Variants in TDRD3 observed in about 807,000 individuals in gnomAD.
TDRD3 encodes the protein tudor domain-containing protein 3.
In TDRD3, 45 loss-of-function variants were observed where a neutral mutation model predicts 86.7. The ratio of observed to expected loss-of-function variants is 0.52; its 90% confidence interval spans 0.41 to 0.67. The LOEUF is 0.67. Among genes scored for constraint, TDRD3 ranks in the 30% least tolerant of loss-of-function variants. The pLI is 0.00. For missense variants in TDRD3, 814 were observed against 889.0 expected (o/e 0.92, Z 1.07); for synonymous variants, 298 against 301.7 (o/e 0.99, Z 0.13).
At chr13:60,414,886 G>GT (rs548282396) in intron 1 of TDRD3, among the ~76,000 whole-genome samples, 117 of 148,346 alleles carry the variant, frequency 7.9e-4, no homozygotes, top group Middle Eastern at 7.0e-3. Context: ...ACAGACAGTG[G>GT]TTTTTTTTTT....
At chr13:60,456,589 T>A (rs1231557003) in intron 3 of TDRD3, among the ~76,000 whole-genome samples, 1 of 150,844 alleles carries the variant, frequency 6.6e-6, no homozygotes, top group Non-Finnish European at 1.5e-5. Context: ...ATCCTTTTTA[T>A]TATTTTCATT....
At chr13:60,506,740 G>A (rs1221435871) in intron 8 of TDRD3, among the ~76,000 whole-genome samples, 1 of 151,962 alleles carries the variant, frequency 6.6e-6, no homozygotes, top group Non-Finnish European at 1.5e-5. Context: ...CTGGGTGACA[G>A]AATGAAACAA....
chr13:60,468,018 T>G (rs749611648), intron 5 of TDRD3, among the ~76,000 whole-genome samples: 2 of 152,186 alleles, frequency 1.3e-5, no homozygotes, highest in Non-Finnish European at 2.9e-5. Context: ...ACTGCTGTAT[T>G]AGCCTTCTGA....
intron 1 of TDRD3, among the ~76,000 whole-genome samples, chr13:60,419,852 A>G (rs566584533): frequency 1.8e-4 from 27 of 152,308 alleles, no homozygotes; most frequent in African/African-American, 6.3e-4. Flanking sequence ...GGAATAATCT[A>G]AAGTAAATAT....
At chr13:60,503,607 G>A (rs1956878480) in intron 8 of TDRD3, among the ~76,000 whole-genome samples, 1 of 151,992 alleles carries the variant, frequency 6.6e-6, no homozygotes, top group Non-Finnish European at 1.5e-5. Flanking sequence ...ATGTTTCAGG[G>A]GCCCTCTGAA....
At chr13:60,562,584 A>G (rs1428116191) in intron 12 of TDRD3, among the ~76,000 whole-genome samples, 1 of 152,182 alleles carries the variant, frequency 6.6e-6, no homozygotes, top group African/African-American at 2.4e-5. Context: ...AAATTCATAG[A>G]ATAAGTGGTT....
At chr13:60,470,080 A>G (rs1317601862) in intron 5 of TDRD3, among the ~76,000 whole-genome samples, 2 of 152,108 alleles carry the variant, frequency 1.3e-5, no homozygotes, top group Non-Finnish European at 2.9e-5. Flanking sequence ...CCACCATTCT[A>G]CTTTCTGTCT....
intron 10 of TDRD3, among the ~76,000 whole-genome samples, chr13:60,522,798 A>C (rs1957318448): frequency 6.6e-6 from 1 of 152,222 alleles, no homozygotes; most frequent in Non-Finnish European, 1.5e-5. Context: ...ATTGTGAAAG[A>C]GCCTTTGTGA....
chr13:60,533,640 C>CA (rs143596337), intron 11 of TDRD3, among the ~76,000 whole-genome samples: 20,419 of 148,680 alleles, frequency 0.14, 1,445 homozygotes, highest in African/African-American at 0.17. Flanking sequence ...GACTCTGTCT[C>CA]AAAAAAAAAG....
chr13:60,543,060 T>C (rs1020727232), intron 12 of TDRD3, among the ~76,000 whole-genome samples: 2 of 152,278 alleles, frequency 1.3e-5, no homozygotes, highest in South Asian at 4.1e-4. Context: ...GGCAAGAGTT[T>C]TACATTTTGG....
chr13:60,496,825 T>C (rs1369770465), intron 8 of TDRD3, among the ~76,000 whole-genome samples: 6 of 152,130 alleles, frequency 3.9e-5, no homozygotes, highest in Admixed American at 3.9e-4. Flanking sequence ...TGGAGGGTCC[T>C]TGTTCTTAGA....
At chr13:60,489,264 TA>T (rs1956523850) in intron 7 of TDRD3, among the ~76,000 whole-genome samples, 1 of 152,238 alleles carries the variant, frequency 6.6e-6, no homozygotes, top group Non-Finnish European at 1.5e-5. Flanking sequence ...TTTAGACTGA[TA>T]AGAAATTTTA....
intron 12 of TDRD3, among the ~76,000 whole-genome samples, chr13:60,564,960 C>T (rs1209627767): frequency 6.7e-6 from 1 of 149,562 alleles, no homozygotes; most frequent in Non-Finnish European, 1.5e-5. Flanking sequence ...CTCAACAGCT[C>T]TGCAGGATGA....
chr13:60,404,578 G>A (rs1259871850), intron 1 of TDRD3, among the ~76,000 whole-genome samples: 1 of 151,356 alleles, frequency 6.6e-6, no homozygotes, highest in African/African-American at 2.4e-5. Context: ...CCAAAGTGCT[G>A]GGATTACAGG....
At chr13:60,466,229 T>C (rs1030059795) in intron 4 of TDRD3, among the ~76,000 whole-genome samples, 1 of 152,180 alleles carries the variant, frequency 6.6e-6, no homozygotes, top group Non-Finnish European at 1.5e-5. Flanking sequence ...AGATGTTAAA[T>C]TTTTAGGTTT....
intron 3 of TDRD3, among the ~76,000 whole-genome samples, chr13:60,456,399 A>G (rs1444592600): frequency 2.0e-5 from 3 of 152,180 alleles, no homozygotes; most frequent in Non-Finnish European, 4.4e-5. Context: ...ATGGCCTGAG[A>G]GAATATTTCT....
intron 2 of TDRD3, among the ~76,000 whole-genome samples, chr13:60,442,807 A>G (rs1448712761): frequency 6.6e-6 from 1 of 152,010 alleles, no homozygotes; most frequent in African/African-American, 2.4e-5. Flanking sequence ...CTGGGTTTAG[A>G]GAATTAGTGA....
intron 1 of TDRD3, among the ~76,000 whole-genome samples, chr13:60,430,193 C>T (rs973780484): frequency 6.6e-6 from 1 of 152,112 alleles, no homozygotes; most frequent in Non-Finnish European, 1.5e-5. Context: ...CATGAAAATG[C>T]CTTCCAATTT....
chr13:60,568,951 A>T (rs1177595187), intron 13 of TDRD3, among the ~76,000 whole-genome samples: 3 of 151,760 alleles, frequency 2.0e-5, no homozygotes, highest in Non-Finnish European at 1.5e-5. Context: ...TGTCAACCGC[A>T]ATTGTTTTTT....
Sources: allele counts gnomAD v4.1 joint callset (sites outside exome capture counted in the v4.1 genomes callset), GRCh38; gene constraint gnomAD v4.1.1; transcripts MANE v1.5; gene names NCBI Gene and HGNC (gene_info 2026-07-23, HGNC 2026-07-21).